The following SYNE2 variants were observed in gnomAD, a reference collection of about 807,000 sequenced individuals.
The protein encoded by SYNE2 is spectrin repeat containing nuclear envelope protein 2.
A neutral mutation model predicts 856.3 loss-of-function variants in SYNE2; 431 were observed. The observed-to-expected ratio is 0.50, with a 90% CI of 0.47 to 0.55. The LOEUF (loss-of-function observed/expected upper bound fraction) is 0.55. Ranked by LOEUF, SYNE2 falls within the 20% of genes least tolerant of loss-of-function variation. SYNE2 has a pLI of 0.00. For missense variants in SYNE2, 8,129 were observed against 8,023.2 expected (o/e 1.01, Z -0.50); for synonymous variants, 2,923 against 2,872.3 (o/e 1.02, Z -0.56).
intron 2 of SYNE2, among the ~76,000 whole-genome samples, chr14:63,910,380 C>T (rs1595578637): frequency 2.0e-5 from 3 of 152,168 alleles, no homozygotes; most frequent in African/African-American, 4.8e-5. Flanking sequence ...TTAGAATAGA[C>T]AGTATCTGTA....
chr14:64,079,810 T>C (rs1017524466), intron 55 of SYNE2, among the ~76,000 whole-genome samples: 3 of 152,102 alleles, frequency 2.0e-5, no homozygotes, highest in African/African-American at 4.8e-5. Context: ...CCTGGCTCAA[T>C]TGATCCTCCC....
At chr14:64,192,057 GAGAAGAC>G (rs2098521104) in intron 99 of SYNE2, among the ~76,000 whole-genome samples, 1 of 152,170 alleles carries the variant, frequency 6.6e-6, no homozygotes, top group African/African-American at 2.4e-5. Context: ...ACTTTTCCAT[GAGAAGAC>G]TCTTAGGTCG....
Position 64,126,460 on chromosome 14 carries a change from G to A in SYNE2, c.13688G>A (p.Gly4563Asp), listed in dbSNP as rs749516915. ...AGACTTTACAGGGAGGATGGTTCTG[G>A]CCAGCAGGTGCACTACGAGGTAGGG... ...MPRLYREDGS[G>D]QQVHYETLAL... The change falls in exon 72 of 116, where the codon GGC (glycine) becomes GAC (aspartate). Residue 4563 changes from glycine (G) to aspartate (D), a missense_variant. Physicochemically the swap from Gly to Asp is moderately conservative, Grantham distance 94. Transcript: ENST00000555002. The A allele has an allele frequency of 5.0e-6, 8 of 1,614,108 alleles. No homozygotes were observed. The highest frequency in any genetic ancestry group is 6.8e-6 in the Non-Finnish European group (8 of 1,180,002).
At chr14:63,803,066 C>T (rs1888214882) in intron 1 of SYNE2, among the ~76,000 whole-genome samples, 1 of 152,126 alleles carries the variant, frequency 6.6e-6, no homozygotes, top group Non-Finnish European at 1.5e-5. Context: ...TCTTATCTGG[C>T]CCCACCCACA....
chr14:64,025,077 C>G, intron 40 of SYNE2, 46 bp downstream of exon 40: 1 of 1,613,950 alleles, frequency 6.2e-7, no homozygotes, highest in Non-Finnish European at 8.5e-7. Context: ...ATTATGGTTT[C>G]TTCCATGGTG....
At chr14:63,960,608 G>GTT in intron 8 of SYNE2, 79 of 487,530 alleles carry the variant, frequency 1.6e-4, no homozygotes, top group South Asian at 2.4e-4. Flanking sequence ...ACAGTGAAGT[G>GTT]TTTTTTTTTT....
intron 2 of SYNE2, among the ~76,000 whole-genome samples, chr14:63,910,641 C>T (rs1352805487): frequency 6.6e-6 from 1 of 152,186 alleles, no homozygotes; most frequent in Admixed American, 6.5e-5. Context: ...ATTTGTAATG[C>T]TGGCTCTGCC....
chr14:64,149,561 A>C (rs749038411), intron 84 of SYNE2, among the ~76,000 whole-genome samples: 5 of 152,184 alleles, frequency 3.3e-5, no homozygotes, highest in Non-Finnish European at 7.3e-5. Flanking sequence ...TGTATAGTTG[A>C]ATAGAGTGGG....
At chr14:63,770,165 C>T (rs755241186) in intron 1 of SYNE2, among the ~76,000 whole-genome samples, 7 of 151,976 alleles carry the variant, frequency 4.6e-5, no homozygotes, top group Non-Finnish European at 7.4e-5. Context: ...TATTTCATCT[C>T]ATGATGTCTT....
intron 98 of SYNE2, 102 bp from the exon 99 acceptor site, chr14:64,189,969 T>TG: frequency 1.4e-6 from 2 of 1,442,642 alleles, no homozygotes; most frequent in Middle Eastern, 2.1e-4. Flanking sequence ...GGCCAATTTT[T>TG]TTTTTTTTTT....
At chr14:64,151,270 C>T (rs934473658) in intron 84 of SYNE2, among the ~76,000 whole-genome samples, 43 of 151,724 alleles carry the variant, frequency 2.8e-4, no homozygotes, top group African/African-American at 9.0e-4. Context: ...GGCAGTTTTG[C>T]GGGACTGGAT....
intron 76 of SYNE2, among the ~76,000 whole-genome samples, chr14:64,131,920 GTTTT>G (rs1292159522): frequency 6.6e-6 from 1 of 151,988 alleles, no homozygotes; most frequent in Non-Finnish European, 1.5e-5. Context: ...CAAAGACTGA[GTTTT>G]TTTGTTTTTT....
At chr14:63,883,547 G>T (rs2094914587) in intron 1 of SYNE2, among the ~76,000 whole-genome samples, 1 of 151,826 alleles carries the variant, frequency 6.6e-6, no homozygotes, top group Non-Finnish European at 1.5e-5. Flanking sequence ...GTAGAGATGG[G>T]GTTTTGTTAT....
At chr14:64,209,236 G>A in intron 101 of SYNE2, 192 bp from the exon 102 acceptor site, 2 of 987,004 alleles carry the variant, frequency 2.0e-6, no homozygotes, top group South Asian at 1.6e-5. Context: ...TAACCTCTGT[G>A]AAGCAGGAGC....
chr14:63,967,697 T>A lies in SYNE2; in HGVS notation c.991-12T>A, dbSNP rs2096413740. On this transcript the variant is annotated splice_polypyrimidine_tract_variant and intron_variant, in intron 10 of 115. Transcript: ENST00000555002. ...AACATTTTCAATCTTTAAAATACTC[T>A]TCTAATTGCAGAGCCTGCTGTCCTT... 6.2e-7 allele frequency: 1 copy of A among 1,613,272 alleles called. No homozygotes were observed. The highest frequency in any genetic ancestry group is 8.5e-7 in the Non-Finnish European group (1 of 1,179,484).
intron 28 of SYNE2, among the ~76,000 whole-genome samples, chr14:64,001,001 T>G (rs1159001809): frequency 6.6e-6 from 1 of 152,174 alleles, no homozygotes; most frequent in Non-Finnish European, 1.5e-5. Context: ...CACTGTCTCT[T>G]TTGGGCATGA....
rs371221980 is a variant in SYNE2 at position 64,225,050 on chromosome 14, C to T, written c.20516+5C>T. On this transcript the variant is annotated splice_donor_5th_base_variant and intron_variant, in intron 115 of 115. Transcript: ENST00000555002. Reference sequence around the variant, plus strand: ...CGAGGAGGAGACAGAGAGCAGGTAACGGGGCTTTACCGTGACAGCAGTGCG... The same window carrying T: ...CGAGGAGGAGACAGAGAGCAGGTAATGGGGCTTTACCGTGACAGCAGTGCG... 24 of 1,613,794 alleles carry T rather than the reference C, an allele frequency of 1.5e-5. No individual in the cohort carries two copies. The African/African-American group carries it at 1.6e-4, about 11-fold the overall frequency.
chr14:64,111,388 G>A (rs1275757119), intron 65 of SYNE2, among the ~76,000 whole-genome samples: 3 of 152,046 alleles, frequency 2.0e-5, no homozygotes, highest in Non-Finnish European at 4.4e-5. Flanking sequence ...TTTGTCTGTA[G>A]CAATATCTGA....
At chr14:64,139,907 T>C in intron 79 of SYNE2, 34 bp from the exon 80 acceptor site, 1 of 1,613,240 alleles carries the variant, frequency 6.2e-7, no homozygotes, top group East Asian at 2.2e-5. Context: ...AATATGTTTC[T>C]AATCTGCCTT....
Sources: gnomAD v4.1 joint callset for allele counts (sites outside exome capture counted in the v4.1 genomes callset) on GRCh38, gnomAD v4.1.1 for gene constraint, MANE v1.5 for transcripts, NCBI Gene and HGNC (gene_info 2026-07-23, HGNC 2026-07-21) for gene names.